ARPP21: variants seen among roughly 807,000 people sequenced by gnomAD.
ARPP21 encodes cAMP regulated phosphoprotein 21.
Under a neutral mutation model 113.2 loss-of-function variants are expected in ARPP21, and 69 were observed. The ratio of observed to expected loss-of-function variants is 0.61; its 90% confidence interval spans 0.50 to 0.74. The LOEUF (loss-of-function observed/expected upper bound fraction) is 0.74, where lower values mean the gene tolerates loss of function less well. ARPP21 is among the 30% of genes least tolerant of loss of function. The pLI is 0.00. For missense variants in ARPP21, 1,070 were observed against 1,037.4 expected, an observed-to-expected ratio of 1.03 and a Z score of -0.43; for synonymous variants, 368 against 375.5, an observed-to-expected ratio of 0.98 and a Z score of 0.23.
intron 11 of ARPP21, among the ~76,000 whole-genome samples, chr3:35,713,961 C>G (rs2091905914): frequency 6.6e-6 from 1 of 152,084 alleles, no homozygotes; most frequent in African/African-American, 2.4e-5. Flanking sequence ...TTTTACATAC[C>G]TTACTTGACT....
At chr3:35,687,487 A>G (rs2080974904) in intron 5 of ARPP21, among the ~76,000 whole-genome samples, 1 of 151,380 alleles carries the variant, frequency 6.6e-6, no homozygotes, top group African/African-American at 2.4e-5. Flanking sequence ...CAGGAATTCA[A>G]CTTGGTTAAG....
chr3:35,766,299 A>G (rs939912542), intron 19 of ARPP21, among the ~76,000 whole-genome samples: 1 of 152,180 alleles, frequency 6.6e-6, no homozygotes, highest in African/African-American at 2.4e-5. Context: ...TGGAGTAGTA[A>G]TGGCACACAT....
chr3:35,729,219 A>G (rs2093773197), intron 14 of ARPP21, 84 bp from the exon 15 acceptor site: 2 of 902,802 alleles, frequency 2.2e-6, no homozygotes, highest in Non-Finnish European at 3.6e-6. Flanking sequence ...GATGTGTCGC[A>G]GAAAAGTGAG....
chr3:35,753,973 T>C (rs931095187), intron 19 of ARPP21, among the ~76,000 whole-genome samples: 2 of 151,690 alleles, frequency 1.3e-5, no homozygotes, highest in African/African-American at 4.8e-5. Context: ...AGGTTTTTTT[T>C]TTTTTTTTTC....
intron 1 of ARPP21, among the ~76,000 whole-genome samples, chr3:35,668,027 A>AAGAAGGAGAAGGAGAAGGAGAAGG (rs1181658287): frequency 6.8e-5 from 9 of 132,468 alleles, no homozygotes; most frequent in African/African-American, 2.5e-4. Context: ...GAAGAAGAAG[A>AAGAAGGAGAAGGAGAAGGAGAAGG]AGAAGGAGAA....
rs760952226 is a variant in ARPP21 at position 35,717,281 on chromosome 3, A to G, written c.936-17A>G. 3 of 1,534,604 alleles carry G rather than the reference A, an allele frequency of 2.0e-6. No individual in the cohort carries two copies. The South Asian group carries it at 3.4e-5, about 17-fold the overall frequency. On this transcript the variant is annotated splice_polypyrimidine_tract_variant and intron_variant, in intron 12 of 20. Transcript: ENST00000684406. ...CCTTAGGTTTTATATCATAAAAATC[A>G]TGTTTTTCATTTCCAGTAGGCTCTT...
At chr3:35,727,289 T>C (rs1214430392) in intron 14 of ARPP21, among the ~76,000 whole-genome samples, 2 of 152,218 alleles carry the variant, frequency 1.3e-5, no homozygotes, top group Admixed American at 6.5e-5. Context: ...TATAGATCAG[T>C]CTGCACAGAC....
intron 1 of ARPP21, among the ~76,000 whole-genome samples, chr3:35,652,354 C>A (rs1480454020): frequency 6.6e-6 from 1 of 152,034 alleles, no homozygotes; most frequent in Non-Finnish European, 1.5e-5. Flanking sequence ...ATGGTTATAT[C>A]CAGCAGAAGG....
At chr3:35,679,761 A>G (rs1198952857) in intron 1 of ARPP21, 26 bp from the exon 2 acceptor site, 1 of 152,158 alleles carries the variant, frequency 6.6e-6, no homozygotes, top group Non-Finnish European at 1.5e-5. Context: ...TGCAATTATT[A>G]TTATTTATTT....
intron 15 of ARPP21, among the ~76,000 whole-genome samples, chr3:35,733,788 A>G (rs1051177280): frequency 2.0e-5 from 3 of 151,918 alleles, no homozygotes; most frequent in Non-Finnish European, 4.4e-5. Flanking sequence ...AATTTTTTGT[A>G]CTCCCTTCTC....
At chr3:35,776,360 T>C (rs1308877010) in intron 19 of ARPP21, among the ~76,000 whole-genome samples, 1 of 152,168 alleles carries the variant, frequency 6.6e-6, no homozygotes, top group African/African-American at 2.4e-5. Context: ...TGTTAGGTAC[T>C]GAGAAGCCCT....
At chr3:35,649,232 G>A (rs1317319376) in intron 1 of ARPP21, among the ~76,000 whole-genome samples, 1 of 152,124 alleles carries the variant, frequency 6.6e-6, no homozygotes, top group East Asian at 1.9e-4. Context: ...AGCTTAAGCA[G>A]ATTTGATATT....
In ARPP21 at chr3:35,649,974, T is replaced by C. The variant is rs567758195; in HGVS notation, c.-213+9576T>C. On this transcript the variant is annotated intron_variant, in intron 1 of 20. Transcript: ENST00000684406. ...ACATTTTAAGAAATGCTAAGTGTAA[T>C]GTTGATGGAATGAACTTCCATTCAC... is the stretch of plus-strand genomic sequence containing the variant. 1.9e-4 allele frequency among the ~76,000 whole-genome samples: 29 copies of C among 152,268 alleles called. No homozygotes were observed. In the South Asian group the frequency reaches 5.6e-3, roughly 29 times the overall value.
rs189161864 is a variant in ARPP21 at position 35,716,455 on chromosome 3, G to A, written c.936-843G>A. On this transcript the variant is annotated intron_variant, in intron 12 of 20. Coordinates refer to ENST00000684406, the MANE Select transcript of ARPP21 (RefSeq NM_001385562.1). ...CATATTTGCAGTTGGAAATCTTCAA[G>A]TAACGTGACTAAACCCCTTAATAGA... Among the ~76,000 whole-genome samples the A allele has an allele frequency of 3.3e-5, 5 of 152,146 alleles. No homozygotes were observed. In the East Asian group the frequency reaches 7.7e-4, roughly 24 times the overall value.
chr3:35,771,990 G>A (rs925832741), intron 19 of ARPP21, among the ~76,000 whole-genome samples: 4 of 152,066 alleles, frequency 2.6e-5, no homozygotes, highest in African/African-American at 9.7e-5. Flanking sequence ...ATTCACATCA[G>A]GCAAGATTTA....
chr3:35,784,527 CAT>C (rs1472454882), intron 19 of ARPP21, among the ~76,000 whole-genome samples: 2 of 152,220 alleles, frequency 1.3e-5, no homozygotes, highest in African/African-American at 4.8e-5. Context: ...CACCAGAAAT[CAT>C]AGACTCATGT....
chr3:35,653,707 G>A (rs1703498793), intron 1 of ARPP21, among the ~76,000 whole-genome samples: 1 of 152,008 alleles, frequency 6.6e-6, no homozygotes, highest in South Asian at 2.1e-4. Flanking sequence ...TTTTCTTCAT[G>A]AGTTACGTAT....
chr3:35,644,861 A>C (rs3213953), intron 1 of ARPP21, among the ~76,000 whole-genome samples: 110,954 of 151,642 alleles, frequency 0.73, 40,747 homozygotes, highest in African/African-American at 0.8. Flanking sequence ...TCTTTACACG[A>C]TTTGCCCAAA....
intron 1 of ARPP21, among the ~76,000 whole-genome samples, chr3:35,669,182 G>A (rs559595657): frequency 2.4e-4 from 37 of 151,710 alleles, no homozygotes; most frequent in South Asian, 6.2e-4. Context: ...ATAATTATGA[G>A]CAAAGAAAGG....
Sources: gnomAD v4.1 joint callset for allele counts (sites outside exome capture counted in the v4.1 genomes callset) on GRCh38, gnomAD v4.1.1 for gene constraint, MANE v1.5 for transcripts, NCBI Gene and HGNC (gene_info 2026-07-23, HGNC 2026-07-21) for gene names.